PEX16: variants seen among roughly 807,000 people sequenced by gnomAD.
PEX16 encodes the protein peroxin 16.
PEX16 carries 37 observed loss-of-function variants against 50.5 expected under a neutral mutation model. The ratio of observed to expected loss-of-function variants is 0.73; its 90% confidence interval spans 0.56 to 0.96. The LOEUF (loss-of-function observed/expected upper bound fraction) is 0.96, where lower values mean the gene tolerates loss of function less well. Ranked by LOEUF, PEX16 falls within the 40% of genes least tolerant of loss-of-function variation. The pLI, the probability that PEX16 is intolerant of heterozygous loss-of-function variation, is 0.00. For synonymous variants in PEX16, 185 were observed against 190.3 expected, an observed-to-expected ratio of 0.97 and a Z score of 0.23; for missense variants, 401 against 438.3, an observed-to-expected ratio of 0.91 and a Z score of 0.76.
intron 5 of PEX16, among the ~76,000 whole-genome samples, chr11:45,914,989 G>A (rs1328690299): frequency 6.6e-6 from 1 of 152,246 alleles, no homozygotes. Flanking sequence ...CATCTATGGA[G>A]ACCACAGCAC....
intron 10 of PEX16, 42 bp from the exon 11 acceptor site, chr11:45,910,354 A>G (rs2086763566): frequency 2.0e-6 from 3 of 1,505,938 alleles, no homozygotes; most frequent in Non-Finnish European, 2.8e-6. Flanking sequence ...CCAGACCCCA[A>G]TCTGCACTGT....
chr11:45,914,006 T>C (rs1179291052), intron 8 of PEX16, 68 bp from the exon 9 acceptor site: 23 of 1,603,414 alleles, frequency 1.4e-5, no homozygotes, highest in Non-Finnish European at 1.9e-5. Context: ...GGAGGAGCCA[T>C]GGGCTGGGTG....
intron 9 of PEX16, among the ~76,000 whole-genome samples, chr11:45,913,230 T>A (rs2086796414): frequency 1.3e-5 from 2 of 152,128 alleles, no homozygotes; most frequent in South Asian, 4.1e-4. Flanking sequence ...TGTCAGACTG[T>A]GGTCTAACCT....
In PEX16 at chr11:45,915,689, C is replaced by T; in HGVS notation, c.359+14G>A. 6.2e-7 allele frequency: 1 copy of T among 1,614,096 alleles called. No homozygotes were observed. The highest frequency in any genetic ancestry group is 8.5e-7 in the Non-Finnish European group (1 of 1,179,958). ...TCACCCCCACCCAGGACCCTCTCCA[C>T]AATCCCAACCTACTTGGCCAGCTGG... On this transcript the variant is annotated intron_variant, in intron 4 of 10. Coordinates refer to ENST00000378750, the MANE Select transcript of PEX16 (RefSeq NM_004813.4).
intron 7 of PEX16, 24 bp from the exon 8 acceptor site, chr11:45,914,227 G>A (rs2086808118): frequency 6.2e-7 from 1 of 1,613,456 alleles, no homozygotes; most frequent in Admixed American, 1.7e-5. Context: ...CGTCAAGGAT[G>A]TCTCCAGCAC....
intron 5 of PEX16, 135 bp downstream of exon 5, chr11:45,915,333 G>A (rs1321805851): frequency 1.8e-5 from 12 of 675,818 alleles, no homozygotes; most frequent in Non-Finnish European, 2.7e-5. Flanking sequence ...TCGAATACAT[G>A]GCAATGAGAA....
intron 2 of PEX16, among the ~76,000 whole-genome samples, chr11:45,916,646 T>C (rs1348510976): frequency 6.6e-6 from 1 of 152,192 alleles, no homozygotes; most frequent in South Asian, 2.1e-4. Context: ...CTTGGCAGCC[T>C]GTTCCTGAGG....
chr11:45,914,722 A>T (rs1227435312), intron 5 of PEX16, 38 bp from the exon 6 acceptor site: 2 of 1,555,184 alleles, frequency 1.3e-6, no homozygotes, highest in Non-Finnish European at 1.8e-6. Context: ...AGTCAGAGGG[A>T]CATGCTTCCA....
intron 5 of PEX16, 109 bp downstream of exon 5, chr11:45,915,359 G>A: frequency 1.3e-6 from 1 of 791,290 alleles, no homozygotes. Context: ...AGTTGATAGG[G>A]ACAGGCGTGC....
At position 45,910,137 on chromosome 11, in the gene PEX16, G is replaced by A; in HGVS notation, c.*117C>T. 6.2e-7 allele frequency: 1 copy of A among 1,611,854 alleles called. No homozygotes were observed. The highest frequency in any genetic ancestry group is 8.5e-7 in the Non-Finnish European group (1 of 1,179,928). ...CTGGTGGCGACCAGGGCTGTGTGTG[G>A]GGCCTGGCCGGTAGGCACGGAGAGG... On this transcript the variant is annotated 3_prime_UTR_variant, in exon 11 of 11. Coordinates refer to ENST00000378750, the MANE Select transcript of PEX16 (RefSeq NM_004813.4).
At position 45,914,303 on chromosome 11, in the gene PEX16, G is replaced by T. The variant is rs763001456; in HGVS notation, c.694+13C>A. On this transcript the variant is annotated intron_variant, in intron 7 of 10. Transcript: ENST00000378750. ...CACAGTGCCAGCCCTATCCTGCCCC[G>T]CGCTAAGGATACAGTGCAGCAGCGG... The T allele has an allele frequency of 1.2e-6, 2 of 1,613,330 alleles. No individual in the cohort carries two copies. The highest frequency in any genetic ancestry group is 2.7e-5 in the African/African-American group (2 of 74,902).
intron 5 of PEX16, 128 bp from the exon 6 acceptor site, chr11:45,914,812 T>C: frequency 1.2e-6 from 1 of 828,286 alleles, no homozygotes; most frequent in Non-Finnish European, 2.1e-6. Flanking sequence ...TGGCAACAGC[T>C]GAGTCAAGGG....
chr11:45,913,220 T>C (rs1445312216), intron 9 of PEX16, among the ~76,000 whole-genome samples: 1 of 151,648 alleles, frequency 6.6e-6, no homozygotes, highest in East Asian at 1.9e-4. Context: ...GGTTTCCCCC[T>C]GTCAGACTGT....
At chr11:45,913,761 G>C (rs1005715812) in intron 9 of PEX16, 58 bp downstream of exon 9, 2 of 1,605,060 alleles carry the variant, frequency 1.2e-6, no homozygotes, top group African/African-American at 2.7e-5. Flanking sequence ...GCAGGGACCG[G>C]AGCACCAGTG....
chr11:45,916,348 C>G, intron 2 of PEX16, 45 bp from the exon 3 acceptor site: 1 of 1,397,402 alleles, frequency 7.2e-7, no homozygotes, highest in African/African-American at 1.4e-5. Context: ...CTGCAGCCTC[C>G]ATCCCTCTCA....
At chr11:45,914,093 C>T (rs755087753) in intron 8 of PEX16, 38 bp downstream of exon 8, 1 of 1,579,796 alleles carries the variant, frequency 6.3e-7, no homozygotes, top group African/African-American at 1.3e-5. Context: ...AGCAGAAAGC[C>T]CAGTGGAGAG....
intron 3 of PEX16, 21 bp downstream of exon 3, chr11:45,916,204 CCT>C: frequency 1.3e-6 from 2 of 1,583,130 alleles, no homozygotes; most frequent in Non-Finnish European, 8.7e-7. Flanking sequence ...TGCTTCCCAC[CCT>C]GTTCTTGGCA....
chr11:45,914,065 A>T, intron 8 of PEX16, 66 bp downstream of exon 8: 1 of 1,573,614 alleles, frequency 6.4e-7, no homozygotes, highest in African/African-American at 1.3e-5. Context: ...CACCCCGCCT[A>T]TGTGAGGCCA....
chr11:45,915,074 A>G (rs937498296), intron 5 of PEX16, among the ~76,000 whole-genome samples: 2 of 152,230 alleles, frequency 1.3e-5, no homozygotes, highest in Admixed American at 6.5e-5. Context: ...CCCCAACTCA[A>G]TGTCCAGAGA....
Sources: allele counts gnomAD v4.1 joint callset (sites outside exome capture counted in the v4.1 genomes callset), GRCh38; gene constraint gnomAD v4.1.1; transcripts MANE v1.5; gene names NCBI Gene and HGNC (gene_info 2026-07-23, HGNC 2026-07-21).